Variants in AFG1L observed in about 807,000 individuals in gnomAD.
The protein encoded by AFG1L is AFG1-like ATPase.
Under a neutral mutation model 62.2 loss-of-function variants are expected in AFG1L, and 53 were observed. That is an observed-to-expected ratio of 0.85 (90% confidence interval 0.68 to 1.07). AFG1L has a LOEUF of 1.07. AFG1L is among the 50% of genes least tolerant of loss of function. The pLI is 0.00. For synonymous variants in AFG1L, 228 were observed against 210.3 expected (o/e 1.08, Z -0.73); for missense variants, 555 against 590.5 (o/e 0.94, Z 0.62).
At chr6:108,356,490 A>G (rs1481599751) in intron 4 of AFG1L, among the ~76,000 whole-genome samples, 200 bp from the exon 5 acceptor site, 3 of 152,246 alleles carry the variant, frequency 2.0e-5, no homozygotes, top group South Asian at 2.1e-4. Context: ...CCTTACAACT[A>G]TAAGAACATA....
chr6:108,354,441 A>G (rs1211227913), intron 3 of AFG1L, among the ~76,000 whole-genome samples: 3 of 151,918 alleles, frequency 2.0e-5, no homozygotes, highest in Non-Finnish European at 2.9e-5. Context: ...AGTAGTTGGG[A>G]TTACAGGCAC....
Position 108,522,331 on chromosome 6 carries a change from A to G in AFG1L, c.1352A>G (p.Glu451Gly), listed in dbSNP as rs764936043. The G allele has an allele frequency of 7.4e-6, 12 of 1,613,810 alleles. No homozygotes were observed. The highest frequency in any genetic ancestry group is 8.5e-6 in the Non-Finnish European group (10 of 1,179,910). The change falls in exon 13 of 13, where the codon GAA becomes GGA. Residue 451 changes from glutamate (E) to glycine (G), a missense_variant. Coordinates refer to ENST00000368977, the MANE Select transcript of AFG1L (RefSeq NM_145315.5). ...GAAGGACTCTCCATGTTTACCGGAG[A>G]AGAGGAAATCTTTGCATTTCAGCGC... ...SAEGLSMFTG[E>G]EEIFAFQRTI...
At chr6:108,313,870 T>C (rs1406479853) in intron 1 of AFG1L, among the ~76,000 whole-genome samples, 2 of 152,202 alleles carry the variant, frequency 1.3e-5, no homozygotes, top group Admixed American at 6.5e-5. Context: ...ACTATTTGAA[T>C]AGTCTCCTAA....
At chr6:108,330,051 G>A (rs1480005943) in intron 2 of AFG1L, among the ~76,000 whole-genome samples, 1 of 152,106 alleles carries the variant, frequency 6.6e-6, no homozygotes, top group Non-Finnish European at 1.5e-5. Context: ...CAGCCCCCTC[G>A]CCATGTGATG....
intron 3 of AFG1L, among the ~76,000 whole-genome samples, chr6:108,354,320 G>GT (rs1177586724): frequency 1.1e-4 from 17 of 150,382 alleles, no homozygotes; most frequent in Non-Finnish European, 1.9e-4. Context: ...TTGTTTTTTT[G>GT]TTTTTTAAGA....
chr6:108,469,734 G>T (rs1772811751), intron 8 of AFG1L, among the ~76,000 whole-genome samples: 1 of 152,202 alleles, frequency 6.6e-6, no homozygotes, highest in African/African-American at 2.4e-5. Flanking sequence ...TGAGTGGCTG[G>T]TGATAGCTGG....
At chr6:108,434,620 T>C (rs1248445578) in intron 7 of AFG1L, among the ~76,000 whole-genome samples, 1 of 152,208 alleles carries the variant, frequency 6.6e-6, no homozygotes, top group African/African-American at 2.4e-5. Context: ...CCTCCATTGT[T>C]TTCCCAACTC....
chr6:108,296,233 C>G (rs144308846), intron 1 of AFG1L, among the ~76,000 whole-genome samples: 2 of 152,126 alleles, frequency 1.3e-5, no homozygotes, highest in Admixed American at 6.6e-5. Context: ...GGAATAGGCT[C>G]CACACACTGC....
chr6:108,317,313 G>A (rs1005111890), intron 1 of AFG1L, among the ~76,000 whole-genome samples: 1 of 152,160 alleles, frequency 6.6e-6, no homozygotes. Flanking sequence ...TCGAGCTGAG[G>A]GTTTTTATGG....
intron 5 of AFG1L, among the ~76,000 whole-genome samples, chr6:108,362,290 G>A: frequency 6.6e-6 from 1 of 151,584 alleles, no homozygotes; most frequent in African/African-American, 2.4e-5. Context: ...TTTTTTTCAT[G>A]TTTGTTTACA....
intron 8 of AFG1L, among the ~76,000 whole-genome samples, chr6:108,467,096 C>T (rs1373952480): frequency 6.6e-6 from 1 of 152,040 alleles, no homozygotes; most frequent in Non-Finnish European, 1.5e-5. Flanking sequence ...GAGATTTGAC[C>T]AATGTCAGTG....
At chr6:108,476,969 A>T in intron 9 of AFG1L, 34 bp downstream of exon 9, 1 of 1,566,100 alleles carries the variant, frequency 6.4e-7, no homozygotes, top group Non-Finnish European at 8.8e-7. Context: ...AAGAGAATAC[A>T]TTTAGAACAC....
At chr6:108,306,424 T>C (rs1777199560) in intron 1 of AFG1L, among the ~76,000 whole-genome samples, 1 of 152,228 alleles carries the variant, frequency 6.6e-6, no homozygotes. Flanking sequence ...TTTCCTCAGG[T>C]GCGGTATAAA....
intron 7 of AFG1L, among the ~76,000 whole-genome samples, chr6:108,429,296 G>T (rs1033496471): frequency 2.6e-5 from 4 of 152,150 alleles, no homozygotes; most frequent in Non-Finnish European, 2.9e-5. Context: ...GACTGGGGAG[G>T]CCTCACAATC....
chr6:108,373,160 A>G (rs1266756730), intron 6 of AFG1L, among the ~76,000 whole-genome samples: 1 of 151,986 alleles, frequency 6.6e-6, no homozygotes, highest in African/African-American at 2.4e-5. Flanking sequence ...ATAGTATCTA[A>G]CAGTTAGTTT....
intron 7 of AFG1L, among the ~76,000 whole-genome samples, chr6:108,419,552 C>A (rs1364660373): frequency 6.6e-6 from 1 of 152,088 alleles, no homozygotes; most frequent in Non-Finnish European, 1.5e-5. Context: ...TGGAAGGCAT[C>A]ACTATCTGAT....
At chr6:108,375,833 T>A (rs1780220871) in intron 6 of AFG1L, among the ~76,000 whole-genome samples, 1 of 152,152 alleles carries the variant, frequency 6.6e-6, no homozygotes, top group Admixed American at 6.5e-5. Flanking sequence ...CTTTGTAGAA[T>A]GAGTTAGGGA....
intron 6 of AFG1L, among the ~76,000 whole-genome samples, chr6:108,398,374 G>A (rs1289715648): frequency 6.6e-6 from 1 of 152,098 alleles, no homozygotes; most frequent in East Asian, 1.9e-4. Flanking sequence ...CAGATGAGTA[G>A]TTTGCAAATA....
chr6:108,461,456 T>A (rs1772459407), intron 8 of AFG1L, among the ~76,000 whole-genome samples: 1 of 152,132 alleles, frequency 6.6e-6, no homozygotes, highest in African/African-American at 2.4e-5. Context: ...GGCTGTTTCT[T>A]CTTGTTTGTT....
Sources: allele counts gnomAD v4.1 joint callset (sites outside exome capture counted in the v4.1 genomes callset), GRCh38; gene constraint gnomAD v4.1.1; transcripts MANE v1.5; gene names NCBI Gene and HGNC (gene_info 2026-07-23, HGNC 2026-07-21).